LIPH: variants seen among roughly 807,000 people sequenced by gnomAD.
The protein encoded by LIPH is lipase member H.
LIPH carries 32 observed loss-of-function variants against 47.6 expected under a neutral mutation model. The observed-to-expected ratio is 0.67, with a 90% CI of 0.51 to 0.90. The LOEUF (loss-of-function observed/expected upper bound fraction) is 0.90, where lower values mean the gene tolerates loss of function less well. LIPH is among the 40% of genes least tolerant of loss of function. The pLI, the probability that LIPH is intolerant of heterozygous loss-of-function variation, is 0.00. For missense variants in LIPH, 497 were observed against 541.4 expected (o/e 0.92, Z 0.81); for synonymous variants, 190 against 195.6 (o/e 0.97, Z 0.24).
intron 5 of LIPH, among the ~76,000 whole-genome samples, chr3:185,523,592 G>A (rs563403947): frequency 6.6e-6 from 1 of 152,134 alleles, no homozygotes; most frequent in Admixed American, 6.6e-5. Context: ...TTTTTGTAGA[G>A]ATGGCATCTC....
intron 1 of LIPH, 69 bp downstream of exon 1, chr3:185,552,354 A>C: frequency 9.2e-7 from 1 of 1,085,814 alleles, no homozygotes; most frequent in Non-Finnish European, 1.4e-6. Context: ...GAATGATGAC[A>C]TGCAAAATGA....
At chr3:185,509,889 G>T (rs1719502055) in intron 9 of LIPH, among the ~76,000 whole-genome samples, 1 of 151,738 alleles carries the variant, frequency 6.6e-6, no homozygotes, top group African/African-American at 2.4e-5. Context: ...TATCCTCTTA[G>T]GAGAAACTTG....
rs1360503766 is a variant in LIPH at position 185,508,778 on chromosome 3, T to G, written c.*12A>C. ...TCTTTCTATTATTTATGGCCATGTGTCCTGGCAACAGTTACAACTGCAACT... is the reference window on the plus strand; with the variant it reads ...TCTTTCTATTATTTATGGCCATGTGGCCTGGCAACAGTTACAACTGCAACT... On this transcript the variant is annotated 3_prime_UTR_variant, in exon 10 of 10. Coordinates refer to ENST00000296252, the MANE Select transcript of LIPH (RefSeq NM_139248.3). 1.9e-6 allele frequency: 3 copies of G among 1,585,614 alleles called. No individual in the cohort carries two copies. Among genetic ancestry groups the G allele is most frequent in the Non-Finnish European group, 2.6e-6 (3 of 1,154,026 alleles).
Position 185,515,585 on chromosome 3 carries a change from G to A in LIPH, c.983-1064C>T, listed in dbSNP as rs201921342. Among the ~76,000 whole-genome samples the A allele has an allele frequency of 2.0e-4, 30 of 151,924 alleles. No homozygotes were observed. In the East Asian group the frequency reaches 4.9e-3, roughly 25 times the overall value. ...GTGCAGTGGCGTAATCTCGGTTCAC[G>A]GCAACCTCTGTCTCCTGGGTTCAAG... On this transcript the variant is annotated intron_variant, in intron 7 of 9. Coordinates refer to ENST00000296252, the MANE Select transcript of LIPH (RefSeq NM_139248.3).
chr3:185,535,609 GT>G lies in LIPH; in HGVS notation c.50-478del, dbSNP rs368869774. On this transcript the variant is annotated intron_variant, in intron 1 of 9. Coordinates refer to ENST00000296252, the MANE Select transcript of LIPH (RefSeq NM_139248.3). ...AAATCATATTTGTTTTTTTGTTTTT[GT>G]TTTTGTTTTGGAGACAGAGTCTCAC... Among the ~76,000 whole-genome samples the G allele has an allele frequency of 2.1e-4, 31 of 150,478 alleles. No individual in the cohort carries two copies. In the South Asian group the frequency reaches 6.5e-3, roughly 32 times the overall value.
intron 2 of LIPH, among the ~76,000 whole-genome samples, chr3:185,534,021 C>T (rs757635182): frequency 2.0e-5 from 3 of 152,056 alleles, no homozygotes; most frequent in Non-Finnish European, 4.4e-5. Context: ...GTCGGGAGTT[C>T]GAGGCCAGCC....
chr3:185,522,651 A>AG (rs1719936894), intron 5 of LIPH, among the ~76,000 whole-genome samples: 33 of 3,398 alleles, frequency 9.7e-3, no homozygotes, highest in South Asian at 0.042. Context: ...AGAGAAAGAA[A>AG]AAGAAAGAAA....
intron 3 of LIPH, among the ~76,000 whole-genome samples, chr3:185,529,418 CTT>C (rs550163991): frequency 2.2e-5 from 3 of 135,052 alleles, no homozygotes; most frequent in Non-Finnish European, 3.2e-5. Context: ...TTTTCTTTTT[CTT>C]TTTTTTTTTT....
intron 3 of LIPH, among the ~76,000 whole-genome samples, chr3:185,529,525 G>A (rs1008009637): frequency 1.3e-4 from 19 of 147,018 alleles, no homozygotes; most frequent in African/African-American, 2.7e-4. Context: ...CAGTCCTCCC[G>A]CCTCAGTTTC....
At chr3:185,519,451 C>T (rs1166625855) in intron 5 of LIPH, 142 bp from the exon 6 acceptor site, 5 of 681,688 alleles carry the variant, frequency 7.3e-6, no homozygotes, top group Non-Finnish European at 1.3e-5. Context: ...TTTATAAAAT[C>T]CCATAGATAA....
Position 185,514,492 on chromosome 3 carries a change from A to G in LIPH, c.1012T>C (p.Trp338Arg). 2.0e-6 allele frequency: 3 copies of G among 1,519,350 alleles called. No individual in the cohort carries two copies. The highest frequency in any genetic ancestry group is 2.7e-6 in the Non-Finnish European group (3 of 1,093,636). The allele number at this position is 1,519,350 out of a possible 1,614,324, so 94.1% of individuals were successfully genotyped here. A position where few individuals can be genotyped will look rare whatever the true frequency, so the allele number is the denominator to read the frequency against. Residue 338 changes from tryptophan (W) to arginine (R), a missense_variant, in exon 8 of 10, where the codon TGG (tryptophan) becomes CGG (arginine). Trp to Arg is a moderately radical substitution (Grantham distance 101, BLOSUM62 -3). Coordinates refer to ENST00000296252, the MANE Select transcript of LIPH (RefSeq NM_139248.3). Reference protein sequence around the residue: ...MYHYFVDIITWNKNVRRGDIT... With the variant: ...MYHYFVDIITRNKNVRRGDIT... ...TCCCCTCTTCTTACATTCTTGTTCC[A>G]TGTTATAATATCCACAAAGTAATGA...
chr3:185,525,727 C>T (rs976268836), intron 4 of LIPH, among the ~76,000 whole-genome samples: 15 of 152,192 alleles, frequency 9.9e-5, no homozygotes, highest in African/African-American at 3.6e-4. Flanking sequence ...TATACCCTTT[C>T]CTTCAAAATT....
At chr3:185,528,326 G>GAAAGAAAGA in intron 3 of LIPH, among the ~76,000 whole-genome samples, 2 of 146,200 alleles carry the variant, frequency 1.4e-5, no homozygotes, top group East Asian at 4.1e-4. Flanking sequence ...AAAGAAAGAA[G>GAAAGAAAGA]AAAGAAAGAA....
At chr3:185,545,188 A>G (rs147633913) in intron 1 of LIPH, among the ~76,000 whole-genome samples, 33 of 152,280 alleles carry the variant, frequency 2.2e-4, no homozygotes, top group African/African-American at 7.5e-4. Context: ...CTGAAATTCA[A>G]TTACTCTGAA....
rs1720455114 is a variant in LIPH at position 185,534,897 on chromosome 3, C to A, written c.285G>T (p.Leu95Phe). Reference sequence around the variant, plus strand: ...CTACGTTCATGTCTTCAACAGAGAGCAAACCCTTTACTAAGTCATCCATCC... The same window carrying A: ...CTACGTTCATGTCTTCAACAGAGAGAAAACCCTTTACTAAGTCATCCATCC... Reference protein sequence around the residue: ...PVWMDDLVKGLLSVEDMNVVV... With the variant: ...PVWMDDLVKGFLSVEDMNVVV... Residue 95 changes from leucine (L) to phenylalanine (F), a missense_variant, in exon 2 of 10, where the codon TTG becomes TTT. Coordinates refer to ENST00000296252, the MANE Select transcript of LIPH (RefSeq NM_139248.3). 1.2e-6 allele frequency: 2 copies of A among 1,614,204 alleles called. No homozygotes were observed. The highest frequency in any genetic ancestry group is 1.7e-6 in the Non-Finnish European group (2 of 1,180,032).
chr3:185,545,606 C>T (rs975661138), intron 1 of LIPH, among the ~76,000 whole-genome samples: 8 of 152,172 alleles, frequency 5.3e-5, no homozygotes, highest in African/African-American at 1.9e-4. Flanking sequence ...CAAATACAGG[C>T]CAAGTGCGGG....
intron 1 of LIPH, among the ~76,000 whole-genome samples, chr3:185,543,112 G>C (rs1720764708): frequency 6.6e-6 from 1 of 152,152 alleles, no homozygotes; most frequent in African/African-American, 2.4e-5. Context: ...GGGAGGCTGA[G>C]GCAGGAGAAT....
chr3:185,541,902 G>A (rs1040533104), intron 1 of LIPH, among the ~76,000 whole-genome samples: 1 of 151,504 alleles, frequency 6.6e-6, no homozygotes, highest in East Asian at 1.9e-4. Context: ...GATTACAGAC[G>A]TGCGCCACCA....
In LIPH at chr3:185,514,426, C is replaced by G. The variant is rs774087025; in HGVS notation, c.1078G>C (p.Glu360Gln). The G allele has an allele frequency of 6.6e-7, 1 of 1,520,304 alleles. No individual in the cohort carries two copies. Among genetic ancestry groups the G allele is most frequent in the South Asian group, 1.1e-5 (1 of 89,220 alleles). The allele number at this position is 1,520,304 out of a possible 1,614,324, so 94.2% of individuals were successfully genotyped here. A position where few individuals can be genotyped will look rare whatever the true frequency, so the allele number is the denominator to read the frequency against. ...TCAACTTACTGATTGATTTTGGATT[C>G]TGTGGTGTTTCCAGCTTTGTCTCTC... Reference protein sequence around the residue: ...KLRDKAGNTTESKINHEPTTF... With the variant: ...KLRDKAGNTTQSKINHEPTTF... Residue 360 changes from glutamate to glutamine, a missense_variant, in exon 8 of 10, where the codon GAA becomes CAA. Transcript: ENST00000296252.
Sources: gnomAD v4.1 joint callset for allele counts (sites outside exome capture counted in the v4.1 genomes callset) on GRCh38, gnomAD v4.1.1 for gene constraint, MANE v1.5 for transcripts, NCBI Gene and HGNC (gene_info 2026-07-23, HGNC 2026-07-21) for gene names.